PRKAA2: variants seen among roughly 807,000 people sequenced by gnomAD.
PRKAA2 encodes the protein 5'-AMP-activated protein kinase catalytic subunit alpha-2.
PRKAA2 carries 40 observed loss-of-function variants against 56.3 expected under a neutral mutation model. The ratio of observed to expected loss-of-function variants is 0.71; its 90% CI spans 0.55 to 0.92. PRKAA2 has a LOEUF of 0.92. Ranked by LOEUF, PRKAA2 falls within the 40% of genes least tolerant of loss-of-function variation. PRKAA2 has a pLI of 0.00. For missense variants in PRKAA2, 542 were observed against 686.9 expected (o/e 0.79, Z 2.36); for synonymous variants, 214 against 234.2 (o/e 0.91, Z 0.79).
Position 56,645,343 on chromosome 1 carries a change from C to G in PRKAA2, c.-45C>G, listed in dbSNP as rs1646630446. ...TGTGGGTAGGCGGCGGCGGCGGCGG[C>G]TACGCGGAGCGGCAGGCGGTGGAGC... On this transcript the variant is annotated 5_prime_UTR_variant, in exon 1 of 9. Transcript: ENST00000371244. The G allele has an allele frequency of 1.4e-6, 2 of 1,412,802 alleles. No homozygotes were observed. The highest frequency in any genetic ancestry group is 1.9e-6 in the Non-Finnish European group (2 of 1,067,578). 87.5% of individuals were successfully genotyped at this position (1,412,802 alleles called of 1,614,324 possible). A position where few individuals can be genotyped will look rare whatever the true frequency, so the allele number is the denominator to read the frequency against.
At chr1:56,676,460 G>T (rs895022511) in intron 2 of PRKAA2, among the ~76,000 whole-genome samples, 3 of 152,202 alleles carry the variant, frequency 2.0e-5, no homozygotes, top group Non-Finnish European at 4.4e-5. Context: ...TCTACAAGCT[G>T]GGAAATGCAA....
chr1:56,703,829 C>T (rs1157462666), intron 6 of PRKAA2, 142 bp from the exon 7 acceptor site: 4 of 879,520 alleles, frequency 4.5e-6, no homozygotes, highest in African/African-American at 3.4e-5. Context: ...TTAACTTGCT[C>T]AGGATCACAT....
At position 56,706,123 on chromosome 1, in the gene PRKAA2, G is replaced by T; in HGVS notation, c.1325G>T (p.Arg442Ile). The T allele has an allele frequency of 6.2e-7, 1 of 1,612,198 alleles. No homozygotes were observed. Among genetic ancestry groups the T allele is most frequent in the Non-Finnish European group, 8.5e-7 (1 of 1,178,500 alleles). Reference sequence around the variant, plus strand: ...AATGCATACCATCTTCGTGTAAGAAGAAAAAATCCAGTGACTGGCAATTAC... The same window carrying T: ...AATGCATACCATCTTCGTGTAAGAATAAAAAATCCAGTGACTGGCAATTAC... ...VVNAYHLRVR[R>I]KNPVTGNYVK... is the part of the protein sequence containing the mutation. The change falls in exon 8 of 9, where the codon AGA becomes ATA. Residue 442 changes from arginine to isoleucine, a missense_variant. Arg to Ile is a moderately conservative substitution (Grantham distance 97, BLOSUM62 -3). Around this residue, in one of 5 missense-constraint regions of PRKAA2, gnomAD observed 158 missense variants for 166.1 expected, o/e 0.95. Transcript: ENST00000371244.
intron 1 of PRKAA2, among the ~76,000 whole-genome samples, chr1:56,650,054 C>A (rs1377055090): frequency 2.6e-5 from 4 of 151,800 alleles, no homozygotes; most frequent in Non-Finnish European, 5.9e-5. Flanking sequence ...GAGATTGTGC[C>A]ACTGCACTCC....
At chr1:56,685,498 G>C (rs1644184727) in intron 2 of PRKAA2, among the ~76,000 whole-genome samples, 1 of 152,112 alleles carries the variant, frequency 6.6e-6, no homozygotes, top group South Asian at 2.1e-4. Context: ...CAGCATTTAA[G>C]ATTTCATTAA....
At position 56,690,047 on chromosome 1, in the gene PRKAA2, G is replaced by T. The variant is rs766559386; in HGVS notation, c.237-1347G>T. Among the ~76,000 whole-genome samples the T allele has an allele frequency of 5.9e-5, 9 of 151,902 alleles. No individual in the cohort carries two copies. In the East Asian group the frequency reaches 1.7e-3, roughly 29 times the overall value. On this transcript the variant is annotated intron_variant, in intron 2 of 8. Transcript: ENST00000371244. ...GTAGTCAATTCATTGTTTTATCTAC[G>T]CCAGATTATTTTGAAGCAAATCTCA...
At chr1:56,706,000 A>T in intron 7 of PRKAA2, 92 bp from the exon 8 acceptor site, 4 of 1,020,716 alleles carry the variant, frequency 3.9e-6, no homozygotes, top group Non-Finnish European at 4.3e-6. Flanking sequence ...TTCCTTTCCT[A>T]CCTCACCCCT....
rs1644349236 is a variant in PRKAA2 at position 56,708,653 on chromosome 1, A to T, written c.*940A>T. 2 of 152,182 alleles carry T rather than the reference A, an allele frequency of 1.3e-5. No individual in the cohort carries two copies. The highest frequency in any genetic ancestry group is 2.9e-5 in the Non-Finnish European group (2 of 68,030). The allele number at this position is 152,182 out of a possible 1,614,324, so 9.4% of individuals were successfully genotyped here. ...GTGTTAGGTGTTAGGGTCCTGGTGCAGCTCATAATGCTAATTCTTCATTGG... is the reference window on the plus strand; with the variant it reads ...GTGTTAGGTGTTAGGGTCCTGGTGCTGCTCATAATGCTAATTCTTCATTGG... On this transcript the variant is annotated 3_prime_UTR_variant, in exon 9 of 9. Coordinates refer to ENST00000371244, the MANE Select transcript of PRKAA2 (RefSeq NM_006252.4).
intron 1 of PRKAA2, among the ~76,000 whole-genome samples, chr1:56,648,590 A>T (rs537413413): frequency 1.3e-5 from 2 of 152,218 alleles, no homozygotes; most frequent in Non-Finnish European, 2.9e-5. Flanking sequence ...TTGCTGGGTC[A>T]TATCGTAGTT....
intron 2 of PRKAA2, among the ~76,000 whole-genome samples, chr1:56,690,177 T>C (rs1013443302): frequency 1.1e-4 from 16 of 151,848 alleles, no homozygotes; most frequent in African/African-American, 2.9e-4. Context: ...TTTTTTTTTT[T>C]TTTTGAAGCG....
intron 2 of PRKAA2, among the ~76,000 whole-genome samples, chr1:56,687,363 T>C (rs74224429): frequency 0.065 from 9,850 of 152,178 alleles, 515 homozygotes; most frequent in African/African-American, 0.14. Context: ...TATATGAATT[T>C]GAATTATTCA....
At position 56,685,919 on chromosome 1, in the gene PRKAA2, G is replaced by T. The variant is rs75110051; in HGVS notation, c.237-5475G>T. ...GATTGGATATTTGATGACATTCATG[G>T]TTTTTTAAATTTATGCATGATAACA... On this transcript the variant is annotated intron_variant, in intron 2 of 8. Coordinates refer to ENST00000371244, the MANE Select transcript of PRKAA2 (RefSeq NM_006252.4). Among the ~76,000 whole-genome samples the T allele has an allele frequency of 8.8e-3, 1,340 of 152,240 alleles. 41 individuals are homozygous for T. The highest frequency in any genetic ancestry group is 0.05 in the East Asian group (259 of 5,176).
At chr1:56,673,197 C>A (rs190911503) in intron 1 of PRKAA2, among the ~76,000 whole-genome samples, 1 of 151,684 alleles carries the variant, frequency 6.6e-6, no homozygotes, top group Non-Finnish European at 1.5e-5. Flanking sequence ...CATGGTGAGA[C>A]CCCATCTCTA....
Position 56,695,986 on chromosome 1 carries a change from T to C in PRKAA2, c.615T>C (p.Tyr205=). The C allele has an allele frequency of 6.2e-7, 1 of 1,612,258 alleles. No individual in the cohort carries two copies. Among genetic ancestry groups the C allele is most frequent in the Non-Finnish European group, 8.5e-7 (1 of 1,179,730 alleles). ...TCTGGAGCTGTGGTGTTATCTTGTATGCTCTTCTTTGTGGCACCCTCCCAT... is the reference window on the plus strand; with the variant it reads ...TCTGGAGCTGTGGTGTTATCTTGTACGCTCTTCTTTGTGGCACCCTCCCAT... ...VDIWSCGVIL[Y]ALLCGTLPFD... Residue 205 remains tyrosine (Y), a synonymous_variant, in exon 6 of 9, where the codon TAT becomes TAC. Coordinates refer to ENST00000371244, the MANE Select transcript of PRKAA2 (RefSeq NM_006252.4).
intron 6 of PRKAA2, among the ~76,000 whole-genome samples, chr1:56,696,815 A>G (rs578147260): frequency 1.1e-4 from 16 of 152,200 alleles, no homozygotes; most frequent in African/African-American, 2.4e-4. Context: ...TGATGCGCCT[A>G]TGAATATGAC....
At chr1:56,665,752 G>A (rs1557547173) in intron 1 of PRKAA2, among the ~76,000 whole-genome samples, 1 of 152,230 alleles carries the variant, frequency 6.6e-6, no homozygotes, top group Non-Finnish European at 1.5e-5. Context: ...TTATGGTATT[G>A]TATTGCATTG....
chr1:56,712,499 T>A lies in PRKAA2; in HGVS notation c.*4786T>A, dbSNP rs1644375141. On this transcript the variant is annotated 3_prime_UTR_variant, in exon 9 of 9. Coordinates refer to ENST00000371244, the MANE Select transcript of PRKAA2 (RefSeq NM_006252.4). Reference sequence around the variant, plus strand: ...GGGTGCTTAAAAATGCTGAAGAAACTTTAAAACATGATTCTTCTTATAATT... The same window carrying A: ...GGGTGCTTAAAAATGCTGAAGAAACATTAAAACATGATTCTTCTTATAATT... 1 of 152,208 alleles carries A rather than the reference T, an allele frequency of 6.6e-6. No individual in the cohort carries two copies. Among genetic ancestry groups the A allele is most frequent in the Non-Finnish European group, 1.5e-5 (1 of 68,036 alleles). The allele number at this position is 152,208 out of a possible 1,614,324, so 9.4% of individuals were successfully genotyped here. A position where few individuals can be genotyped will look rare whatever the true frequency, so the allele number is the denominator to read the frequency against.
intron 6 of PRKAA2, among the ~76,000 whole-genome samples, chr1:56,700,042 T>A (rs1283324477): frequency 1.3e-5 from 2 of 152,240 alleles, no homozygotes; most frequent in Non-Finnish European, 2.9e-5. Context: ...GACTACTGTT[T>A]CCATGAACAT....
intron 1 of PRKAA2, among the ~76,000 whole-genome samples, chr1:56,654,663 A>G (rs1643926760): frequency 1.3e-5 from 2 of 152,282 alleles, no homozygotes; most frequent in South Asian, 4.1e-4. Flanking sequence ...CAATGTGTTT[A>G]TTTTGAAATA....
Sources: allele counts gnomAD v4.1 joint callset (sites outside exome capture counted in the v4.1 genomes callset), GRCh38; gene constraint gnomAD v4.1.1; regional missense constraint gnomAD v4.1.1; transcripts MANE v1.5; gene names NCBI Gene and HGNC (gene_info 2026-07-23, HGNC 2026-07-21).